The following AFAP1 variants were observed in gnomAD, a reference collection of about 807,000 sequenced individuals.
AFAP1 encodes the protein actin filament-associated protein 1.
A neutral mutation model predicts 93.9 loss-of-function variants in AFAP1; 75 were observed. The observed-to-expected ratio is 0.80, with a 90% CI of 0.66 to 0.97. The LOEUF (loss-of-function observed/expected upper bound fraction) is 0.97. Among genes scored for constraint, AFAP1 ranks in the 50% least tolerant of loss-of-function variants. The pLI is 0.00. For synonymous variants in AFAP1, 517 were observed against 430.7 expected (o/e 1.20, Z -2.48); for missense variants, 1,201 against 1,050.8 (o/e 1.14, Z -1.98).
intron 3 of AFAP1, among the ~76,000 whole-genome samples, chr4:7,856,159 G>T (rs1392864430): frequency 1.3e-5 from 2 of 152,116 alleles, no homozygotes; most frequent in African/African-American, 4.8e-5. Flanking sequence ...CTTTAAAAAA[G>T]CAAATCACCT....
In AFAP1 at chr4:7,886,625, G is replaced by C. The variant is rs144499038; in HGVS notation, c.-2-14545C>G. ...CGGGAAATTAGCCTGACCCTTAAAA[G>C]TCAGATTAATTAATGGATGGACATA... On this transcript the variant is annotated intron_variant, in intron 1 of 17. Coordinates refer to ENST00000420658, the MANE Select transcript of AFAP1 (RefSeq NM_001134647.2). Among the ~76,000 whole-genome samples the C allele has an allele frequency of 2.8e-3, 423 of 152,312 alleles. 3 individuals are homozygous for C. Among genetic ancestry groups the C allele is most frequent in the African/African-American group, 9.3e-3 (386 of 41,562 alleles).
intron 1 of AFAP1, among the ~76,000 whole-genome samples, chr4:7,911,555 G>A (rs944904469): frequency 9.9e-5 from 15 of 152,094 alleles, no homozygotes; most frequent in African/African-American, 3.1e-4. Flanking sequence ...CCCCTCATCC[G>A]CTCCTCCCAG....
Position 7,939,276 on chromosome 4 carries a change from G to A in AFAP1, c.-3+380C>T, listed in dbSNP as rs1721584769. On this transcript the variant is annotated intron_variant, in intron 1 of 17. Transcript: ENST00000420658. The surrounding 1 kb of genome is among the most constrained non-coding windows in gnomAD (Gnocchi z 5.6). ...AGCAGTCTCGCTACGGGGGAGGGCG[G>A]CGGAGCCTCCCACTCTTGGTGACCC... The A allele has an allele frequency of 6.4e-6, 2 of 310,126 alleles. No individual in the cohort carries two copies. Among genetic ancestry groups the A allele is most frequent in the Admixed American group, 4.0e-5 (1 of 24,752 alleles). 19.2% of individuals were successfully genotyped at this position (310,126 alleles called of 1,614,324 possible).
chr4:7,922,410 G>T (rs1242929435), intron 1 of AFAP1, among the ~76,000 whole-genome samples: 2 of 152,186 alleles, frequency 1.3e-5, no homozygotes, highest in Non-Finnish European at 2.9e-5. Context: ...AAGGAAGTGA[G>T]TATTTCAAGT....
At chr4:7,825,711 A>T (rs1187809247) in intron 6 of AFAP1, among the ~76,000 whole-genome samples, 1 of 152,232 alleles carries the variant, frequency 6.6e-6, no homozygotes, top group East Asian at 1.9e-4. Context: ...GCTAAAAAAA[A>T]GTAGAAGCAA....
chr4:7,807,237 T>C (rs1274362548), intron 9 of AFAP1, among the ~76,000 whole-genome samples: 1 of 146,144 alleles, frequency 6.8e-6, no homozygotes, highest in African/African-American at 2.7e-5. Context: ...TTCCTTCTTG[T>C]TGGCTAATTC....
chr4:7,766,866 G>C (rs1714671321), intron 17 of AFAP1, among the ~76,000 whole-genome samples: 1 of 152,194 alleles, frequency 6.6e-6, no homozygotes, highest in African/African-American at 2.4e-5. Flanking sequence ...GAAGCCGTCT[G>C]ACTTTCCAGA....
At chr4:7,810,984 C>A (rs117194545) in intron 8 of AFAP1, among the ~76,000 whole-genome samples, 1 of 152,226 alleles carries the variant, frequency 6.6e-6, no homozygotes, top group African/African-American at 2.4e-5. Flanking sequence ...GAAATCAGAA[C>A]GTGCGTGTGA....
At chr4:7,813,507 C>T (rs1264038609) in intron 8 of AFAP1, among the ~76,000 whole-genome samples, 2 of 152,146 alleles carry the variant, frequency 1.3e-5, no homozygotes, top group African/African-American at 4.8e-5. Context: ...TCTGTAGAAC[C>T]TAATAGATGC....
At chr4:7,918,491 G>C (rs1172288985) in intron 1 of AFAP1, among the ~76,000 whole-genome samples, 1 of 141,064 alleles carries the variant, frequency 7.1e-6, no homozygotes, top group Non-Finnish European at 1.5e-5. Context: ...ATTCGGCCCA[G>C]GTCACCCGCA....
At chr4:7,819,054 C>T (rs749804639) in intron 7 of AFAP1, 22 bp downstream of exon 7, 6 of 1,570,376 alleles carry the variant, frequency 3.8e-6, no homozygotes, top group Non-Finnish European at 5.2e-6. Flanking sequence ...CCGTCCCCAC[C>T]CAGCAAGAGC....
chr4:7,874,982 G>C (rs866539494), intron 1 of AFAP1, among the ~76,000 whole-genome samples: 1 of 151,834 alleles, frequency 6.6e-6, no homozygotes, highest in African/African-American at 2.4e-5. Flanking sequence ...GCTCTTTAAG[G>C]TCTTCAAAAT....
intron 1 of AFAP1, among the ~76,000 whole-genome samples, chr4:7,904,212 C>A (rs1038505946): frequency 6.6e-6 from 1 of 152,078 alleles, no homozygotes; most frequent in African/African-American, 2.4e-5. Flanking sequence ...CAAACCAATA[C>A]GTGGAGACTG....
intron 1 of AFAP1, among the ~76,000 whole-genome samples, chr4:7,923,636 G>A (rs983440862): frequency 6.6e-6 from 1 of 152,102 alleles, no homozygotes; most frequent in Non-Finnish European, 1.5e-5. Context: ...ATGCCACCAC[G>A]CCCAACTAAT....
intron 4 of AFAP1, 108 bp from the exon 5 acceptor site, chr4:7,843,458 G>GA: frequency 9.9e-7 from 1 of 1,012,648 alleles, no homozygotes; most frequent in Non-Finnish European, 1.4e-6. Flanking sequence ...AACTGAATGA[G>GA]AAAGGGACCT....
At chr4:7,889,619 C>A (rs28673208) in intron 1 of AFAP1, among the ~76,000 whole-genome samples, 1 of 145,250 alleles carries the variant, frequency 6.9e-6, no homozygotes, top group African/African-American at 2.5e-5. Context: ...TCTCACTTTA[C>A]GATTAAAACT....
rs183755090 is a variant in AFAP1 at position 7,870,981 on chromosome 4, G to A, written c.127+971C>T. ...AAAAGAAAAATCCTCCATCTCATCC[G>A]GCAGACTATCTCCATAGAGTCCTCA... On this transcript the variant is annotated intron_variant, in intron 2 of 17. Coordinates refer to ENST00000420658, the MANE Select transcript of AFAP1 (RefSeq NM_001134647.2). Among the ~76,000 whole-genome samples the A allele has an allele frequency of 1.6e-3, 240 of 152,188 alleles. 1 individual carries two copies. Among genetic ancestry groups the A allele is most frequent in the African/African-American group, 5.4e-3 (225 of 41,512 alleles).
intron 6 of AFAP1, among the ~76,000 whole-genome samples, chr4:7,825,985 G>A (rs987644258): frequency 2.0e-5 from 3 of 149,900 alleles, no homozygotes; most frequent in Non-Finnish European, 4.4e-5. Context: ...TAGTACGTCT[G>A]AACCGTTCTG....
At chr4:7,764,662 G>T (rs1310973069) in intron 17 of AFAP1, among the ~76,000 whole-genome samples, 2 of 152,260 alleles carry the variant, frequency 1.3e-5, no homozygotes, top group Admixed American at 1.3e-4. Context: ...GGCCCTGAGT[G>T]CTGGCTGCAG....
Sources: allele counts gnomAD v4.1 joint callset (sites outside exome capture counted in the v4.1 genomes callset), GRCh38; gene constraint gnomAD v4.1.1; non-coding constraint Gnocchi (gnomAD v3.1); transcripts MANE v1.5; gene names NCBI Gene and HGNC (gene_info 2026-07-23, HGNC 2026-07-21).